Variants in ALG6 observed in about 807,000 individuals in gnomAD.
ALG6 encodes dolichyl pyrophosphate Man9GlcNAc2 alpha-1,3-glucosyltransferase.
In ALG6, 46 loss-of-function variants were observed where a neutral mutation model predicts 66.6. The observed-to-expected ratio is 0.69, with a 90% CI of 0.55 to 0.88. The LOEUF is 0.88. ALG6 is among the 40% of genes least tolerant of loss of function. The pLI is 0.00. For missense variants in ALG6, 505 were observed against 586.8 expected (o/e 0.86, Z 1.44); for synonymous variants, 185 against 203.7 (o/e 0.91, Z 0.78).
chr1:63,382,223 A>G (rs1015438483), intron 2 of ALG6, among the ~76,000 whole-genome samples: 19 of 151,534 alleles, frequency 1.3e-4, no homozygotes, highest in Non-Finnish European at 2.4e-4. Flanking sequence ...ATTTTTTGAA[A>G]TGGAGTCTTG....
At chr1:63,422,034 A>G (rs1168615477) in intron 12 of ALG6, among the ~76,000 whole-genome samples, 1 of 141,054 alleles carries the variant, frequency 7.1e-6, no homozygotes, top group African/African-American at 2.6e-5. Flanking sequence ...ACATATATGT[A>G]TATATATAAT....
At chr1:63,400,565 T>C (rs1010543567) in intron 3 of ALG6, among the ~76,000 whole-genome samples, 13 of 151,710 alleles carry the variant, frequency 8.6e-5, no homozygotes, top group Non-Finnish European at 1.3e-4. Flanking sequence ...AACCAATGAC[T>C]TTATTTTTAG....
intron 4 of ALG6, 117 bp downstream of exon 4, chr1:63,402,460 ATTTTTT>A (rs760751565): frequency 4.2e-4 from 111 of 262,648 alleles, no homozygotes; most frequent in Middle Eastern, 2.7e-3. Context: ...CTGCTATTGT[ATTTTTT>A]TTTTTTTTTT....
At chr1:63,429,237 C>A in intron 14 of ALG6, 111 bp downstream of exon 14, 2 of 815,526 alleles carry the variant, frequency 2.5e-6, no homozygotes, top group Non-Finnish European at 3.9e-6. Context: ...TCACATAAAT[C>A]CACTCATTTA....
chr1:63,421,013 T>C (rs1263082222), intron 12 of ALG6, among the ~76,000 whole-genome samples: 2 of 151,738 alleles, frequency 1.3e-5, no homozygotes, highest in Non-Finnish European at 2.9e-5. Context: ...CAGACAAAAA[T>C]CCCTGCCTTC....
rs1355283983 is a variant in ALG6, at chr1:63,419,453, AT to A, written c.1058+16del. On this transcript the variant is annotated intron_variant, in intron 12 of 14. Coordinates refer to ENST00000263440, the MANE Select transcript of ALG6 (RefSeq NM_013339.4). ...TCTTGGTGTCACTGTAAGTAGAAAC[AT>A]TTGAAATATGTGTTTATTTGTTTAT... is the stretch of plus-strand genomic sequence containing the variant. The A allele has an allele frequency of 6.5e-7, 1 of 1,541,698 alleles. No individual in the cohort carries two copies. The highest frequency in any genetic ancestry group is 2.3e-5 in the East Asian group (1 of 44,204).
chr1:63,391,067 C>T (rs1402954989), intron 2 of ALG6, among the ~76,000 whole-genome samples: 1 of 152,144 alleles, frequency 6.6e-6, no homozygotes, highest in Non-Finnish European at 1.5e-5. Context: ...TCTATTTGGC[C>T]ATCCTGCTCT....
intron 12 of ALG6, among the ~76,000 whole-genome samples, chr1:63,422,385 ATATATAAATATATATC>A (rs1644588618): frequency 2.0e-5 from 2 of 100,668 alleles, no homozygotes; most frequent in Non-Finnish European, 3.7e-5. Context: ...AAGTATAAAT[ATATATAAATATATATC>A]TATATAAATA....
intron 12 of ALG6, among the ~76,000 whole-genome samples, chr1:63,420,356 T>G (rs376981563): frequency 3.3e-5 from 5 of 152,282 alleles, no homozygotes; most frequent in Admixed American, 6.5e-5. Context: ...GATGAAACTG[T>G]GGAGAGGCAT....
intron 2 of ALG6, among the ~76,000 whole-genome samples, chr1:63,374,556 A>G (rs1446122265): frequency 1.3e-5 from 2 of 152,018 alleles, no homozygotes; most frequent in Admixed American, 6.6e-5. Context: ...TGAACCTGGA[A>G]GGCAGAGGTT....
In ALG6 at chr1:63,437,417, G is replaced by T; in HGVS notation, c.*397G>T. Reference sequence around the variant, plus strand: ...CATCAGACCATATAGTGAGCTTCATGGGAGAATTGAGCCCCTTCTTTTTAA... The same window carrying T: ...CATCAGACCATATAGTGAGCTTCATTGGAGAATTGAGCCCCTTCTTTTTAA... On this transcript the variant is annotated 3_prime_UTR_variant, in exon 15 of 15. Coordinates refer to ENST00000263440, the MANE Select transcript of ALG6 (RefSeq NM_013339.4). 5.6e-6 allele frequency: 1 copy of T among 179,350 alleles called. No homozygotes were observed. Among genetic ancestry groups the T allele is most frequent in the South Asian group, 1.2e-4 (1 of 8,196 alleles). The allele number at this position is 179,350 out of a possible 1,614,324, so 11.1% of individuals were successfully genotyped here.
chr1:63,419,332 A>G (rs369101046), intron 11 of ALG6, 38 bp from the exon 12 acceptor site: 106 of 1,463,266 alleles, frequency 7.2e-5, no homozygotes, highest in Non-Finnish European at 9.8e-5. Flanking sequence ...CTATTTCACA[A>G]GTTGTTATAT....
In ALG6 at chr1:63,406,337, A is replaced by C; in HGVS notation, c.367A>C (p.Ile123Leu). 1 of 1,613,326 alleles carries C rather than the reference A, an allele frequency of 6.2e-7. No individual in the cohort carries two copies. Among genetic ancestry groups the C allele is most frequent in the African/African-American group, 1.3e-5 (1 of 75,002 alleles). The change falls in exon 6 of 15, where the codon ATT (isoleucine) becomes CTT (leucine). Residue 123 changes from isoleucine to leucine, a missense_variant. Coordinates refer to ENST00000263440, the MANE Select transcript of ALG6 (RefSeq NM_013339.4). ...RTTVLIADLL[I>L]YIPAVVLYCC... ...TTCAGTTTTAATTGCTGATCTGCTGATTTACATACCTGCAGTGGTTTTGTA... is the reference window on the plus strand; with the variant it reads ...TTCAGTTTTAATTGCTGATCTGCTGCTTTACATACCTGCAGTGGTTTTGTA...
intron 4 of ALG6, among the ~76,000 whole-genome samples, chr1:63,403,486 A>G (rs906161548): frequency 5.3e-5 from 8 of 152,208 alleles, no homozygotes; most frequent in African/African-American, 1.7e-4. Flanking sequence ...GTGGTATTCC[A>G]TCTTAGATTT....
chr1:63,398,597 C>T lies in ALG6; in HGVS notation c.167+2000C>T, dbSNP rs1224116920. Among the ~76,000 whole-genome samples, 20 of 152,232 alleles carry T rather than the reference C, an allele frequency of 1.3e-4. No individual in the cohort carries two copies. The East Asian group carries it at 2.9e-3, about 22-fold the overall frequency. On this transcript the variant is annotated intron_variant, in intron 3 of 14. Transcript: ENST00000263440. ...ACGCCATTCTCCTGCCTTAGCTTCC[C>T]GAGTAGCTGGGACTACAGGCGCCCA...
In ALG6 at chr1:63,406,929, T is replaced by C. The variant is rs12755065; in HGVS notation, c.430-133T>C. On this transcript the variant is annotated intron_variant, in intron 6 of 14. Coordinates refer to ENST00000263440, the MANE Select transcript of ALG6 (RefSeq NM_013339.4). ...AGAGTTGTATTATAAAAATTGAATA[T>C]TTTATGAAAAGAAAGTGTGACACCT... 0.17 allele frequency: 114,439 copies of C among 673,934 alleles called. 10,319 individuals are homozygous for C. Among genetic ancestry groups the C allele is most frequent in the Middle Eastern group, 0.27 (714 of 2,662 alleles). 41.7% of individuals were successfully genotyped at this position (673,934 alleles called of 1,614,324 possible).
chr1:63,399,572 A>C (rs567469994), intron 3 of ALG6, among the ~76,000 whole-genome samples: 1 of 152,284 alleles, frequency 6.6e-6, no homozygotes, highest in East Asian at 1.9e-4. Context: ...CTTGTTCTGT[A>C]ATTGGTGTCT....
rs1570063343 is a variant in ALG6, at chr1:63,404,627, T to A, written c.346+86T>A. Reference sequence around the variant, plus strand: ...GTAAAGGTACTATTATTGTTCTTACTGACTTTAAAATTGTGCAATTACACA... The same window carrying A: ...GTAAAGGTACTATTATTGTTCTTACAGACTTTAAAATTGTGCAATTACACA... On this transcript the variant is annotated intron_variant, in intron 5 of 14. Coordinates refer to ENST00000263440, the MANE Select transcript of ALG6 (RefSeq NM_013339.4). 6 of 1,088,856 alleles carry A rather than the reference T, an allele frequency of 5.5e-6. No homozygotes were observed. In the East Asian group the frequency reaches 1.5e-4, roughly 27 times the overall value. The allele number at this position is 1,088,856 out of a possible 1,614,324, so 67.4% of individuals were successfully genotyped here. A position where few individuals can be genotyped will look rare whatever the true frequency, so the allele number is the denominator to read the frequency against.
At chr1:63,406,426 CG>C in intron 6 of ALG6, 27 bp downstream of exon 6, 1 of 1,580,210 alleles carries the variant, frequency 6.3e-7, no homozygotes, top group Non-Finnish European at 8.7e-7. Flanking sequence ...CCTGACAGTT[CG>C]TCTCTGAAAT....
Sources: gnomAD v4.1 joint callset for allele counts (sites outside exome capture counted in the v4.1 genomes callset) on GRCh38, gnomAD v4.1.1 for gene constraint, MANE v1.5 for transcripts, NCBI Gene and HGNC (gene_info 2026-07-23, HGNC 2026-07-21) for gene names.